The following ADGRG7 variants were observed in gnomAD, a reference collection of about 807,000 sequenced individuals.
The protein encoded by ADGRG7 is G-protein coupled receptor 128.
In ADGRG7, 82 loss-of-function variants were observed where a neutral mutation model predicts 88.6. The observed-to-expected ratio is 0.93, with a 90% CI of 0.77 to 1.11. ADGRG7 has a LOEUF of 1.11. ADGRG7 is among the 50% of genes most tolerant of loss of function. The pLI, the probability that ADGRG7 is intolerant of heterozygous loss-of-function variation, is 0.00. For synonymous variants in ADGRG7, 381 were observed against 345.2 expected (o/e 1.10, Z -1.15); for missense variants, 945 against 953.4 (o/e 0.99, Z 0.12).
intron 14 of ADGRG7, chr3:100,664,920 G>T (rs549097715): frequency 3.0e-6 from 1 of 329,662 alleles, no homozygotes; most frequent in East Asian, 8.5e-5. Flanking sequence ...TTGCACAAAT[G>T]AAGAATTTTT....
intron 15 of ADGRG7, among the ~76,000 whole-genome samples, chr3:100,673,096 T>C (rs1344063109): frequency 6.6e-6 from 1 of 152,170 alleles, no homozygotes; most frequent in Non-Finnish European, 1.5e-5. Flanking sequence ...CGGAGAATTC[T>C]CTCTCTTTCA....
rs149161069 is a variant in ADGRG7 at position 100,623,693 on chromosome 3, C to T, written c.116-5905C>T. Among the ~76,000 whole-genome samples, 543 of 152,174 alleles carry T rather than the reference C, an allele frequency of 3.6e-3. 5 individuals are homozygous for T. The highest frequency in any genetic ancestry group is 5.3e-3 in the Non-Finnish European group (362 of 68,008). ...ATTAGCTATTTGTCTTAATGCTCTC[C>T]CTCCCCTTGCCCCTACTCCCCAACA... On this transcript the variant is annotated intron_variant, in intron 1 of 15. Coordinates refer to ENST00000273352, the MANE Select transcript of ADGRG7 (RefSeq NM_032787.3).
intron 10 of ADGRG7, 23 bp from the exon 11 acceptor site, chr3:100,649,672 A>G (rs2094926157): frequency 7.7e-7 from 1 of 1,301,986 alleles, no homozygotes; most frequent in Non-Finnish European, 1.1e-6. Flanking sequence ...AATTAAAAAT[A>G]TGAGTCTTAC....
Position 100,649,722 on chromosome 3 carries a change from A to C in ADGRG7, c.1294A>C (p.Lys432Gln), listed in dbSNP as rs964307769. The part of the protein sequence containing the change: ...MTFKKDYQYP[K>Q]SLDILSNVGC... ...TTTCAAAAAGGATTATCAATATCCC[A>C]AATCACTTGACATATTATCCAACGT... Residue 432 changes from lysine (K) to glutamine (Q), a missense_variant, in exon 11 of 16, where the codon AAA (lysine) becomes CAA (glutamine). Physicochemically the swap from Lys to Gln is moderately conservative, Grantham distance 53 (BLOSUM62 1). Coordinates refer to ENST00000273352, the MANE Select transcript of ADGRG7 (RefSeq NM_032787.3). The C allele has an allele frequency of 1.2e-6, 2 of 1,607,160 alleles. No homozygotes were observed. Among genetic ancestry groups the C allele is most frequent in the African/African-American group, 2.7e-5 (2 of 74,764 alleles).
Position 100,641,893 on chromosome 3 carries a change from T to TA in ADGRG7, c.699-1373_699-1372insA, listed in dbSNP as rs1449341039. On this transcript the variant is annotated intron_variant, in intron 6 of 15. Transcript: ENST00000273352. Reference sequence around the variant, plus strand: ...TTTCCTGATATAACTACAGCACTAATCAAAAAAAACCCCGTTTCCAAGAAT... The same window carrying TA: ...TTTCCTGATATAACTACAGCACTAATACAAAAAAAACCCCGTTTCCAAGAAT... Among the ~76,000 whole-genome samples, 7 of 152,248 alleles carry TA rather than the reference T, an allele frequency of 4.6e-5. No homozygotes were observed. The East Asian group carries it at 1.3e-3, about 29-fold the overall frequency.
chr3:100,665,220 A>G, intron 14 of ADGRG7: 1 of 540,184 alleles, frequency 1.9e-6, no homozygotes, highest in Non-Finnish European at 3.8e-6. Flanking sequence ...AAAATAAAGC[A>G]CGGAGGATAT....
intron 15 of ADGRG7, among the ~76,000 whole-genome samples, chr3:100,670,732 C>T (rs1455485427): frequency 6.6e-6 from 1 of 152,110 alleles, no homozygotes; most frequent in East Asian, 1.9e-4. Flanking sequence ...CCCCGACAGG[C>T]CCCAGTGTGT....
chr3:100,683,327 G>C (rs1438898215), intron 15 of ADGRG7, among the ~76,000 whole-genome samples: 1 of 152,200 alleles, frequency 6.6e-6, no homozygotes, highest in African/African-American at 2.4e-5. Context: ...GAGAAGAGCT[G>C]TGGCTCTTCG....
intron 1 of ADGRG7, among the ~76,000 whole-genome samples, chr3:100,611,512 G>C (rs753286560): frequency 1.3e-5 from 2 of 152,104 alleles, no homozygotes; most frequent in Non-Finnish European, 2.9e-5. Context: ...TTCAAGGCTT[G>C]GGGGGAGTTG....
At chr3:100,682,851 G>A (rs774323326) in intron 15 of ADGRG7, among the ~76,000 whole-genome samples, 4 of 152,174 alleles carry the variant, frequency 2.6e-5, no homozygotes, top group African/African-American at 4.8e-5. Flanking sequence ...TGCAGTTGCA[G>A]TTGCCTTGTC....
chr3:100,691,206 A>C (rs1162182392), intron 15 of ADGRG7, among the ~76,000 whole-genome samples: 7 of 152,118 alleles, frequency 4.6e-5, no homozygotes, highest in Admixed American at 3.9e-4. Context: ...TGTTAAGCCC[A>C]TTGGAAAAGT....
At chr3:100,618,256 A>G (rs1230782856) in intron 1 of ADGRG7, among the ~76,000 whole-genome samples, 3 of 152,068 alleles carry the variant, frequency 2.0e-5, no homozygotes, top group Admixed American at 2.0e-4. Context: ...TTTTGCTGCC[A>G]TTGCTTTTGG....
At position 100,655,122 on chromosome 3, in the gene ADGRG7, T is replaced by C. The variant is rs1227777751; in HGVS notation, c.1667T>C (p.Ile556Thr). 6.2e-7 allele frequency: 1 copy of C among 1,614,118 alleles called. No individual in the cohort carries two copies. The highest frequency in any genetic ancestry group is 8.5e-7 in the Non-Finnish European group (1 of 1,179,980). The change falls in exon 12 of 16, where the codon ATA becomes ACA. Residue 556 changes from isoleucine (I) to threonine (T), a missense_variant. Coordinates refer to ENST00000273352, the MANE Select transcript of ADGRG7 (RefSeq NM_032787.3). Reference sequence around the variant, plus strand: ...GCTGCACAGCTCTATTACCTTCTAATAAGGACCATGAAGCCTCTTCCTCGG... The same window carrying C: ...GCTGCACAGCTCTATTACCTTCTAACAAGGACCATGAAGCCTCTTCCTCGG... ...LSAAQLYYLL[I>T]RTMKPLPRHF... is the part of the protein sequence containing the mutation.
At chr3:100,678,073 G>T (rs947338399) in intron 15 of ADGRG7, among the ~76,000 whole-genome samples, 1 of 151,736 alleles carries the variant, frequency 6.6e-6, no homozygotes, top group Non-Finnish European at 1.5e-5. Flanking sequence ...TCCCTTAGGG[G>T]CTATTTTCTA....
chr3:100,636,913 T>G (rs1352028775), intron 5 of ADGRG7, among the ~76,000 whole-genome samples: 1 of 152,228 alleles, frequency 6.6e-6, no homozygotes, highest in African/African-American at 2.4e-5. Flanking sequence ...TAAGTATAAC[T>G]TAGTTATGCT....
rs911267681 is a variant in ADGRG7 at position 100,635,608 on chromosome 3, G to A, written c.448-69G>A. On this transcript the variant is annotated intron_variant, in intron 4 of 15. Coordinates refer to ENST00000273352, the MANE Select transcript of ADGRG7 (RefSeq NM_032787.3). ...CAGCTAAATTCCAGCTTATTTACCTGCAGTTGCTTACAAAGTGTTTGGACA... is the reference window on the plus strand; with the variant it reads ...CAGCTAAATTCCAGCTTATTTACCTACAGTTGCTTACAAAGTGTTTGGACA... 5 of 1,557,808 alleles carry A rather than the reference G, an allele frequency of 3.2e-6. No homozygotes were observed. The Admixed American group carries it at 9.6e-5, about 30-fold the overall frequency.
intron 11 of ADGRG7, among the ~76,000 whole-genome samples, chr3:100,653,394 T>A (rs1043928288): frequency 1.3e-5 from 2 of 152,212 alleles, no homozygotes; most frequent in Non-Finnish European, 2.9e-5. Context: ...AAGTGACTTT[T>A]AAATATAAAT....
At chr3:100,690,803 T>C (rs1576342588) in intron 15 of ADGRG7, among the ~76,000 whole-genome samples, 1 of 152,342 alleles carries the variant, frequency 6.6e-6, no homozygotes, top group South Asian at 2.1e-4. Context: ...CCAGTTAGGC[T>C]ACTCGGGGGT....
intron 1 of ADGRG7, 89 bp from the exon 2 acceptor site, chr3:100,629,509 T>A (rs1707427556): frequency 2.5e-6 from 2 of 786,144 alleles, no homozygotes; most frequent in South Asian, 3.2e-5. Context: ...AAGCAGTGGT[T>A]TTACGTGTAG....
Sources: allele counts gnomAD v4.1 joint callset (sites outside exome capture counted in the v4.1 genomes callset), GRCh38; gene constraint gnomAD v4.1.1; transcripts MANE v1.5; gene names NCBI Gene and HGNC (gene_info 2026-07-23, HGNC 2026-07-21).